HTR1E: variants seen among roughly 807,000 people sequenced by gnomAD.
HTR1E encodes 5-HT-1E.
In HTR1E, 3 loss-of-function variants were observed where a neutral mutation model predicts 3.4. That is an observed-to-expected ratio of 0.89 (90% CI 0.41 to 2.31). The LOEUF is 2.31. HTR1E is among the 30% of genes most tolerant of loss of function. HTR1E has a pLI of 0.05. For missense variants in HTR1E, 392 were observed against 467.0 expected (o/e 0.84, Z 1.48); for synonymous variants, 170 against 182.8 (o/e 0.93, Z 0.56).
intron 1 of HTR1E, among the ~76,000 whole-genome samples, chr6:86,941,707 G>T (rs1465243864): frequency 6.6e-6 from 1 of 152,152 alleles, no homozygotes; most frequent in African/African-American, 2.4e-5. Context: ...ATGAAATCTG[G>T]TATGAGAAGG....
intron 1 of HTR1E, among the ~76,000 whole-genome samples, chr6:86,971,467 T>C (rs1767555502): frequency 6.6e-6 from 1 of 152,142 alleles, no homozygotes; most frequent in South Asian, 2.1e-4. Flanking sequence ...TTCATTTAGC[T>C]TCCAATTGCC....
chr6:86,956,714 A>G (rs1192640833), intron 1 of HTR1E, among the ~76,000 whole-genome samples: 1 of 152,170 alleles, frequency 6.6e-6, no homozygotes, highest in Non-Finnish European at 1.5e-5. Flanking sequence ...ATAAACTTCT[A>G]AATTGATTGA....
rs1768485180 is a variant in HTR1E, at chr6:86,937,648, A to T, written c.-361A>T. 1 of 152,800 alleles carries T rather than the reference A, an allele frequency of 6.5e-6. No individual in the cohort carries two copies. The highest frequency in any genetic ancestry group is 1.5e-5 in the Non-Finnish European group (1 of 68,150). The allele number at this position is 152,800 out of a possible 1,614,324, so 9.5% of individuals were successfully genotyped here. A position where few individuals can be genotyped will look rare whatever the true frequency, so the allele number is the denominator to read the frequency against. On this transcript the variant is annotated 5_prime_UTR_variant, in exon 1 of 2. In the 5' UTR this introduces an upstream ATG that the reference lacks. Coordinates refer to ENST00000305344, the MANE Select transcript of HTR1E (RefSeq NM_000865.3). ...ACCCCGGCGGGCACTGGCGCGGGCA[A>T]GGACGCTGGCGGGGAGAACGCCCTG...
chr6:87,009,692 C>A (rs1250992639), intron 1 of HTR1E, among the ~76,000 whole-genome samples: 1 of 139,566 alleles, frequency 7.2e-6, no homozygotes, highest in African/African-American at 2.8e-5. Context: ...GGCGGGGGGC[C>A]GACCCCCCAA....
At chr6:86,963,282 C>G (rs148149803) in intron 1 of HTR1E, among the ~76,000 whole-genome samples, 3 of 151,978 alleles carry the variant, frequency 2.0e-5, no homozygotes, top group Admixed American at 1.3e-4. Flanking sequence ...TATTTTTGTA[C>G]AGCTGTACAA....
chr6:87,003,196 G>A (rs968575082), intron 1 of HTR1E, among the ~76,000 whole-genome samples: 3 of 152,112 alleles, frequency 2.0e-5, no homozygotes, highest in African/African-American at 7.2e-5. Context: ...CAAACACATG[G>A]AAATTAAACA....
intron 1 of HTR1E, among the ~76,000 whole-genome samples, chr6:87,004,862 T>TG (rs1219911841): frequency 3.3e-5 from 5 of 152,116 alleles, no homozygotes; most frequent in Admixed American, 3.3e-4. Flanking sequence ...ACCAAAAAAC[T>TG]ATTAGAACTG....
intron 1 of HTR1E, among the ~76,000 whole-genome samples, chr6:86,961,438 A>T (rs982642919): frequency 1.3e-5 from 2 of 152,240 alleles, no homozygotes; most frequent in African/African-American, 4.8e-5. Context: ...ATGACACTAA[A>T]ATGTATAAAA....
At chr6:87,010,475 TC>T (rs1768205837) in intron 1 of HTR1E, among the ~76,000 whole-genome samples, 1 of 142,902 alleles carries the variant, frequency 7.0e-6, no homozygotes, top group African/African-American at 2.6e-5. Flanking sequence ...AGACGGGGTC[TC>T]GGCCGGGCAG....
chr6:87,011,088 A>T (rs555687329), intron 1 of HTR1E, among the ~76,000 whole-genome samples: 1 of 152,236 alleles, frequency 6.6e-6, no homozygotes, highest in South Asian at 2.1e-4. Flanking sequence ...CTTCAACTCC[A>T]TTTGCAATAG....
intron 1 of HTR1E, among the ~76,000 whole-genome samples, chr6:86,970,097 A>G (rs1447841892): frequency 6.6e-6 from 1 of 152,230 alleles, no homozygotes; most frequent in East Asian, 1.9e-4. Context: ...TCACTTCTAG[A>G]AAACGACTGC....
intron 1 of HTR1E, among the ~76,000 whole-genome samples, chr6:86,993,911 C>T (rs7757792): frequency 0.13 from 20,258 of 151,714 alleles, 2,190 homozygotes; most frequent in African/African-American, 0.29. Flanking sequence ...AATAAAATAA[C>T]AGAAAATCTT....
intron 1 of HTR1E, among the ~76,000 whole-genome samples, chr6:86,991,282 C>CTAT (rs926151397): frequency 4.6e-5 from 7 of 152,234 alleles, no homozygotes; most frequent in African/African-American, 1.7e-4. Context: ...AATGCAAAAA[C>CTAT]TATTAAATCC....
chr6:86,965,252 G>A (rs1429672071), intron 1 of HTR1E, among the ~76,000 whole-genome samples: 10 of 152,130 alleles, frequency 6.6e-5, no homozygotes, highest in South Asian at 6.2e-4. Context: ...GAGTCTCACC[G>A]TCTCTGCAGG....
intron 1 of HTR1E, among the ~76,000 whole-genome samples, chr6:86,979,007 G>A (rs1388154237): frequency 6.6e-6 from 1 of 152,166 alleles, no homozygotes; most frequent in Admixed American, 6.5e-5. Flanking sequence ...ATGTACCTTT[G>A]AGTCACGGGT....
At chr6:86,961,221 AT>A (rs1767402884) in intron 1 of HTR1E, among the ~76,000 whole-genome samples, 1 of 152,116 alleles carries the variant, frequency 6.6e-6, no homozygotes, top group South Asian at 2.1e-4. Context: ...GTCAAATGGG[AT>A]TTTTCATCTG....
intron 1 of HTR1E, among the ~76,000 whole-genome samples, chr6:87,014,634 G>A (rs1400573948): frequency 2.6e-5 from 4 of 152,172 alleles, no homozygotes; most frequent in Non-Finnish European, 5.9e-5. Flanking sequence ...CCATAAAAAA[G>A]GATGAGTTCA....
intron 1 of HTR1E, among the ~76,000 whole-genome samples, chr6:86,941,292 C>T (rs879260870): frequency 2.0e-5 from 3 of 152,182 alleles, no homozygotes; most frequent in African/African-American, 7.2e-5. Context: ...GGCATATTCC[C>T]GGATCACAAC....
At chr6:86,982,118 C>A (rs1302757115) in intron 1 of HTR1E, among the ~76,000 whole-genome samples, 1 of 152,232 alleles carries the variant, frequency 6.6e-6, no homozygotes, top group Non-Finnish European at 1.5e-5. Flanking sequence ...GCAAGCAACA[C>A]ATCCATGTGA....
Sources: gnomAD v4.1 joint callset for allele counts (sites outside exome capture counted in the v4.1 genomes callset) on GRCh38, gnomAD v4.1.1 for gene constraint, MANE v1.5 for transcripts, NCBI Gene and HGNC (gene_info 2026-07-23, HGNC 2026-07-21) for gene names.